The following CACNG2 variants were observed in gnomAD, a reference collection of about 807,000 sequenced individuals.
The protein encoded by CACNG2 is calcium voltage-gated channel auxiliary subunit gamma 2, also known as voltage-dependent calcium channel gamma-2 subunit.
Under a neutral mutation model 25.9 loss-of-function variants are expected in CACNG2, and 3 were observed. That is an observed-to-expected ratio of 0.12 (90% CI 0.05 to 0.30). The LOEUF (loss-of-function observed/expected upper bound fraction) is 0.30. CACNG2 is among the 10% of genes least tolerant of loss of function. The pLI, the probability that CACNG2 is intolerant of heterozygous loss-of-function variation, is 1.00. For synonymous variants in CACNG2, 167 were observed against 173.3 expected, an observed-to-expected ratio of 0.96 and a Z score of 0.29; for missense variants, 341 against 432.5, an observed-to-expected ratio of 0.79 and a Z score of 1.88.
intron 1 of CACNG2, among the ~76,000 whole-genome samples, chr22:36,652,050 G>T (rs949740043): frequency 1.1e-4 from 16 of 152,094 alleles, no homozygotes; most frequent in African/African-American, 3.9e-4. Context: ...ATTTTTAGTA[G>T]AGATAGGGTT....
intron 1 of CACNG2, among the ~76,000 whole-genome samples, chr22:36,599,184 T>C (rs552493025): frequency 3.3e-5 from 5 of 152,316 alleles, no homozygotes; most frequent in South Asian, 2.1e-4. Flanking sequence ...ATTGATGTAA[T>C]GTAGTGTACA....
At chr22:36,648,269 T>A (rs531665000) in intron 1 of CACNG2, among the ~76,000 whole-genome samples, 5 of 152,344 alleles carry the variant, frequency 3.3e-5, no homozygotes, top group African/African-American at 1.2e-4. Context: ...AAGCCCGTAA[T>A]GAAATGCAAA....
intron 1 of CACNG2, among the ~76,000 whole-genome samples, chr22:36,675,577 C>T (rs1937009585): frequency 6.6e-6 from 1 of 152,222 alleles, no homozygotes; most frequent in South Asian, 2.1e-4. Flanking sequence ...AACTATGTCC[C>T]ATTCAACAGC....
intron 1 of CACNG2, among the ~76,000 whole-genome samples, chr22:36,679,201 T>TTC (rs1569049868): frequency 1.5e-3 from 103 of 69,372 alleles, no homozygotes; most frequent in East Asian, 6.2e-3. Context: ...TTCCTTCCTT[T>TTC]CTTTCTTTCT....
chr22:36,684,312 C>T (rs1035842121), intron 1 of CACNG2, among the ~76,000 whole-genome samples: 13 of 152,064 alleles, frequency 8.5e-5, no homozygotes, highest in East Asian at 1.9e-4. Flanking sequence ...AACAGGGGAT[C>T]GATTTAAAGA....
At chr22:36,621,488 TG>T (rs1936104332) in intron 1 of CACNG2, among the ~76,000 whole-genome samples, 1 of 151,460 alleles carries the variant, frequency 6.6e-6, no homozygotes, top group Admixed American at 6.6e-5. Context: ...GAAAATCGCT[TG>T]AACCCAGGAG....
chr22:36,662,749 C>G (rs895258338), intron 1 of CACNG2, among the ~76,000 whole-genome samples: 1 of 152,066 alleles, frequency 6.6e-6, no homozygotes, highest in African/African-American at 2.4e-5. Context: ...TCCTGGGCAC[C>G]GTGCATGCCC....
At chr22:36,566,629 T>C (rs1222225070) in intron 2 of CACNG2, 136 bp from the exon 3 acceptor site, 5 of 952,576 alleles carry the variant, frequency 5.2e-6, no homozygotes, top group Non-Finnish European at 6.6e-6. Context: ...TGCTTTGCAA[T>C]CCTAGGGAGG....
chr22:36,658,777 G>C (rs145741686), intron 1 of CACNG2, among the ~76,000 whole-genome samples: 70 of 152,314 alleles, frequency 4.6e-4, no homozygotes, highest in African/African-American at 1.6e-3. Context: ...GAGGGCAATA[G>C]TGCTCCAGGG....
chr22:36,607,639 A>G (rs1460589161), intron 1 of CACNG2, among the ~76,000 whole-genome samples: 1 of 151,424 alleles, frequency 6.6e-6, no homozygotes, highest in Non-Finnish European at 1.5e-5. Context: ...AACCCATGAG[A>G]GCGGAAATAG....
At chr22:36,580,174 G>T (rs749419108) in intron 2 of CACNG2, among the ~76,000 whole-genome samples, 3 of 152,196 alleles carry the variant, frequency 2.0e-5, no homozygotes, top group Non-Finnish European at 4.4e-5. Context: ...GCCCAGGGAG[G>T]TTCACCGGGA....
intron 1 of CACNG2, among the ~76,000 whole-genome samples, chr22:36,676,097 C>G (rs1937016512): frequency 6.6e-6 from 1 of 152,188 alleles, no homozygotes; most frequent in African/African-American, 2.4e-5. Flanking sequence ...CGCCCCACCC[C>G]TCGTGGAGCA....
chr22:36,574,890 G>A (rs766785475), intron 2 of CACNG2, among the ~76,000 whole-genome samples: 2 of 152,230 alleles, frequency 1.3e-5, no homozygotes, highest in Non-Finnish European at 2.9e-5. Flanking sequence ...ATGCCTTGGG[G>A]ATGTGCATGT....
At chr22:36,679,782 G>T (rs143270104) in intron 1 of CACNG2, among the ~76,000 whole-genome samples, 1 of 152,248 alleles carries the variant, frequency 6.6e-6, no homozygotes, top group East Asian at 1.9e-4. Flanking sequence ...GTGGAACTTG[G>T]TTAGAAATAG....
intron 1 of CACNG2, among the ~76,000 whole-genome samples, chr22:36,679,127 G>T (rs1385988708): frequency 6.7e-6 from 1 of 149,978 alleles, no homozygotes; most frequent in Non-Finnish European, 1.5e-5. Context: ...CCAGCATTTT[G>T]GATTTTCTCC....
At chr22:36,566,550 A>G (rs568262163) in intron 2 of CACNG2, 57 bp from the exon 3 acceptor site, 3 of 1,588,654 alleles carry the variant, frequency 1.9e-6, no homozygotes, top group African/African-American at 2.7e-5. Context: ...AGACTGAGGC[A>G]CACAGAGGCA....
At chr22:36,566,048 G>C (rs1450491458) in intron 3 of CACNG2, among the ~76,000 whole-genome samples, 1 of 152,236 alleles carries the variant, frequency 6.6e-6, no homozygotes, top group South Asian at 2.1e-4. Context: ...TACTTGCACC[G>C]GGAAGGGAAA....
chr22:36,569,533 G>A (rs1935189526), intron 2 of CACNG2, among the ~76,000 whole-genome samples: 1 of 152,046 alleles, frequency 6.6e-6, no homozygotes, highest in Non-Finnish European at 1.5e-5. Flanking sequence ...CCTGTTAGAT[G>A]GTTTCTTTTT....
At chr22:36,605,299 C>G (rs931233331) in intron 1 of CACNG2, among the ~76,000 whole-genome samples, 1 of 151,920 alleles carries the variant, frequency 6.6e-6, no homozygotes, top group African/African-American at 2.4e-5. Context: ...GGTCACGAAC[C>G]CTTGGCCTCA....
Sources: gnomAD v4.1 joint callset for allele counts (sites outside exome capture counted in the v4.1 genomes callset) on GRCh38, gnomAD v4.1.1 for gene constraint, MANE v1.5 for transcripts, NCBI Gene and HGNC (gene_info 2026-07-23, HGNC 2026-07-21) for gene names.